PBX1: variants seen among roughly 807,000 people sequenced by gnomAD.
PBX1 encodes PBX homeobox 1, also known as pre-B-cell leukemia transcription factor 1.
In PBX1, 6 loss-of-function variants were observed where a neutral mutation model predicts 53.4. That is an observed-to-expected ratio of 0.11 (90% confidence interval 0.06 to 0.22). The LOEUF is 0.22. Among genes scored for constraint, PBX1 ranks in the 10% least tolerant of loss-of-function variants. The pLI, the probability that PBX1 is intolerant of heterozygous loss-of-function variation, is 1.00. For synonymous variants in PBX1, 204 were observed against 212.3 expected, an observed-to-expected ratio of 0.96 and a Z score of 0.34; for missense variants, 251 against 551.4, an observed-to-expected ratio of 0.46 and a Z score of 5.46.
intron 2 of PBX1, among the ~76,000 whole-genome samples, chr1:164,748,850 C>T (rs2171696): frequency 0.076 from 11,531 of 152,088 alleles, 654 homozygotes; most frequent in East Asian, 0.16. Flanking sequence ...GGGGTGAGCA[C>T]TGGGGCAGGA....
intron 2 of PBX1, among the ~76,000 whole-genome samples, chr1:164,647,021 T>C (rs1659494870): frequency 6.6e-6 from 1 of 152,200 alleles, no homozygotes; most frequent in Non-Finnish European, 1.5e-5. Flanking sequence ...GGGGCAGCCC[T>C]ACAGGCTCGG....
At chr1:164,870,269 C>CCTTCCTTCCTTCT (rs1672330813) in intron 2 of PBX1, among the ~76,000 whole-genome samples, 1 of 15,350 alleles carries the variant, frequency 6.5e-5, no homozygotes, top group Non-Finnish European at 1.3e-4. Flanking sequence ...TTCCTTCCTT[C>CCTTCCTTCCTTCT]TTTCTTTCTT....
At chr1:164,858,162 A>G (rs866880768) in intron 2 of PBX1, among the ~76,000 whole-genome samples, 1 of 151,982 alleles carries the variant, frequency 6.6e-6, no homozygotes, top group Non-Finnish European at 1.5e-5. Context: ...ATCATTTCTT[A>G]TTCACTTTTC....
chr1:164,605,222 A>G (rs1409631962), intron 2 of PBX1: 1 of 152,228 alleles, frequency 6.6e-6, no homozygotes, highest in Non-Finnish European at 1.5e-5. Flanking sequence ...CTAAGAATGA[A>G]TTAGAGTTCT....
chr1:164,561,013 C>T (rs1358999842), intron 1 of PBX1, among the ~76,000 whole-genome samples: 1 of 152,306 alleles, frequency 6.6e-6, no homozygotes, highest in African/African-American at 2.4e-5. Flanking sequence ...ACAGTAAATT[C>T]TCTTTTAAAG....
chr1:164,716,595 C>T (rs1481380905), intron 2 of PBX1, among the ~76,000 whole-genome samples: 2 of 151,408 alleles, frequency 1.3e-5, no homozygotes, highest in Non-Finnish European at 2.9e-5. Context: ...TGGCTCACGC[C>T]TGTAATGCCA....
intron 2 of PBX1, among the ~76,000 whole-genome samples, chr1:164,741,486 G>A (rs1665598500): frequency 6.6e-6 from 1 of 152,172 alleles, no homozygotes. Flanking sequence ...TAGGTCATAT[G>A]GTCTTTTGGC....
intron 2 of PBX1, among the ~76,000 whole-genome samples, chr1:164,763,155 A>G (rs1666893418): frequency 2.0e-5 from 3 of 152,244 alleles, no homozygotes; most frequent in Non-Finnish European, 4.4e-5. Context: ...AGCTGAAACC[A>G]CATCCACCCC....
At chr1:164,743,603 C>T (rs900417176) in intron 2 of PBX1, among the ~76,000 whole-genome samples, 1 of 152,226 alleles carries the variant, frequency 6.6e-6, no homozygotes, top group Middle Eastern at 3.4e-3. Flanking sequence ...AGCTTACTAA[C>T]ACTGTATCAG....
At chr1:164,590,413 C>G (rs1172535363) in intron 2 of PBX1, 1 of 455,822 alleles carries the variant, frequency 2.2e-6, no homozygotes, top group Non-Finnish European at 4.4e-6. Flanking sequence ...TTCCCAATCG[C>G]CGCCGCCCCC....
intron 2 of PBX1, among the ~76,000 whole-genome samples, chr1:164,653,280 C>T (rs1204894586): frequency 2.0e-5 from 3 of 151,886 alleles, no homozygotes; most frequent in African/African-American, 4.8e-5. Context: ...CAGTACTTCA[C>T]CCCTCCTTAT....
At chr1:164,883,692 C>T (rs1179498136) in intron 2 of PBX1, among the ~76,000 whole-genome samples, 2 of 151,928 alleles carry the variant, frequency 1.3e-5, no homozygotes, top group Admixed American at 1.3e-4. Context: ...CTTCTTTATC[C>T]CTGGCCATAA....
rs199808035 is a variant in PBX1 at position 164,820,234 on chromosome 1, G to A, written c.1110+50G>A. On this transcript the variant is annotated intron_variant, in intron 7 of 8. Transcript: ENST00000420696. ...CAGGTGAATGCCTTAGAGTCCAAGA[G>A]CCCTCAGTTGTATTGGACTTCCTGC... 27 of 1,017,976 alleles carry A rather than the reference G, an allele frequency of 2.7e-5. No homozygotes were observed. The East Asian group carries it at 5.9e-4, about 22-fold the overall frequency. 63.1% of individuals were successfully genotyped at this position (1,017,976 alleles called of 1,614,324 possible). A position where few individuals can be genotyped will look rare whatever the true frequency, so the allele number is the denominator to read the frequency against.
At chr1:164,883,491 C>T (rs973303075) in intron 2 of PBX1, among the ~76,000 whole-genome samples, 13 of 152,268 alleles carry the variant, frequency 8.5e-5, no homozygotes, top group African/African-American at 3.1e-4. Context: ...AATTCTATCA[C>T]CCTAACACAA....
intron 4 of PBX1, among the ~76,000 whole-genome samples, chr1:164,801,756 C>A (rs1051245126): frequency 3.3e-5 from 5 of 152,192 alleles, no homozygotes; most frequent in African/African-American, 9.6e-5. Flanking sequence ...AGCCAAGATT[C>A]AAAACGAAAA....
chr1:164,605,669 A>G (rs550731387), intron 2 of PBX1, among the ~76,000 whole-genome samples: 1 of 152,352 alleles, frequency 6.6e-6, no homozygotes, highest in East Asian at 1.9e-4. Flanking sequence ...AAATAAAGCT[A>G]TGAAATTAAT....
At chr1:164,662,384 C>T (rs1385440502) in intron 2 of PBX1, among the ~76,000 whole-genome samples, 1 of 152,192 alleles carries the variant, frequency 6.6e-6, no homozygotes, top group Admixed American at 6.5e-5. Flanking sequence ...TGACCAGACT[C>T]TGGGCCTTCT....
At chr1:164,673,523 T>C (rs1661233903) in intron 2 of PBX1, among the ~76,000 whole-genome samples, 1 of 140,128 alleles carries the variant, frequency 7.1e-6, no homozygotes, top group Admixed American at 7.8e-5. Flanking sequence ...TGGGCTGGAG[T>C]GCAGTGGCGG....
rs940298152 is a variant in PBX1, at chr1:164,850,690, G to A, written c.*4014G>A. 9 of 194,668 alleles carry A rather than the reference G, an allele frequency of 4.6e-5. No homozygotes were observed. Among genetic ancestry groups the A allele is most frequent in the East Asian group, 2.4e-4 (3 of 12,382 alleles). 12.1% of individuals were successfully genotyped at this position (194,668 alleles called of 1,614,324 possible). On this transcript the variant is annotated 3_prime_UTR_variant, in exon 9 of 9. Transcript: ENST00000420696. The stretch of plus-strand genomic sequence containing the variant: ...AAGATCAAGCCCATGTTGATGTCTC[G>A]TTGCTCACCTGCATTTCCAGAGAGT...
Sources: allele counts gnomAD v4.1 joint callset (sites outside exome capture counted in the v4.1 genomes callset), GRCh38; gene constraint gnomAD v4.1.1; transcripts MANE v1.5; gene names NCBI Gene and HGNC (gene_info 2026-07-23, HGNC 2026-07-21).